Variants in CD101 observed in about 807,000 individuals in gnomAD.
CD101 encodes the protein CD101 molecule.
CD101 carries 76 observed loss-of-function variants against 98.2 expected under a neutral mutation model. The ratio of observed to expected loss-of-function variants is 0.77; its 90% CI spans 0.64 to 0.94. The LOEUF is 0.94. CD101 is among the 40% of genes least tolerant of loss of function. The pLI is 0.00. For synonymous variants in CD101, 471 were observed against 472.7 expected (o/e 1.00, Z 0.05); for missense variants, 1,145 against 1,218.8 (o/e 0.94, Z 0.90).
At chr1:117,017,804 A>C (rs1322951962) in intron 5 of CD101, among the ~76,000 whole-genome samples, 1 of 152,190 alleles carries the variant, frequency 6.6e-6, no homozygotes, top group Non-Finnish European at 1.5e-5. Context: ...AAGCATGTGC[A>C]AAAGGGTTCT....
rs370058669 is a variant in CD101 at position 117,019,562 on chromosome 1, G to T, written c.2017+1002G>T. On this transcript the variant is annotated intron_variant, in intron 6 of 9. Coordinates refer to ENST00000682167, the MANE Select transcript of CD101 (RefSeq NM_001256106.3). This position sits in a 1 kb window ranked among gnomAD's most constrained non-coding sequence, Gnocchi z 4.3. The stretch of plus-strand genomic sequence containing the variant: ...CTCCTCCACTGATTTATTCTTTAAA[G>T]AAAACAGTTTCTCTGGATTCTATTC... 7.2e-5 allele frequency among the ~76,000 whole-genome samples: 11 copies of T among 152,212 alleles called. 1 individual carries two copies. The East Asian group carries it at 1.2e-3, about 16-fold the overall frequency.
Position 117,034,048 on chromosome 1 carries a change from G to A in CD101, c.3013G>A (p.Gly1005Arg), listed in dbSNP as rs1171538768. 1.9e-6 allele frequency: 3 copies of A among 1,614,182 alleles called. No individual in the cohort carries two copies. The highest frequency in any genetic ancestry group is 3.3e-5 in the Admixed American group (2 of 60,020). ...KALWVDLKEA[G>R]GVTTNRREDE... ...TCTCTGGGTGGACTTGAAAGAGGCT[G>A]GAGGTGTGACCACAAATAGGAGGGA... Residue 1005 changes from glycine to arginine, a missense_variant, in exon 9 of 10, where the codon GGA (glycine) becomes AGA (arginine). Physicochemically the swap from Gly to Arg is moderately radical, Grantham distance 125 (BLOSUM62 -2). Transcript: ENST00000682167.
rs1652470705 is a variant in CD101, at chr1:117,005,388, C to T, written c.43+3528C>T. On this transcript the variant is annotated intron_variant, in intron 1 of 9. Coordinates refer to ENST00000682167, the MANE Select transcript of CD101 (RefSeq NM_001256106.3). This position sits in a 1 kb window ranked among gnomAD's most constrained non-coding sequence, Gnocchi z 4.4. ...TCACTTCTTACCCTGAAAACTGCTG[C>T]TTCCACTCTATTGAAATCCCTTTTA... is the stretch of plus-strand genomic sequence containing the variant. 6.6e-6 allele frequency among the ~76,000 whole-genome samples: 1 copy of T among 152,178 alleles called. No homozygotes were observed. The highest frequency in any genetic ancestry group is 2.4e-5 in the African/African-American group (1 of 41,434).
At position 117,004,313 on chromosome 1, in the gene CD101, G is replaced by T. The variant is rs1042800813; in HGVS notation, c.43+2453G>T. ...GCTTGTTATGTTGGCTATTCCTGAG[G>T]TAGGTTTTGTATAAGGTAGCATTAT... On this transcript the variant is annotated intron_variant, in intron 1 of 9. Coordinates refer to ENST00000682167, the MANE Select transcript of CD101 (RefSeq NM_001256106.3). The surrounding 1 kb of genome is among the most constrained non-coding windows in gnomAD (Gnocchi z 4.1). Among the ~76,000 whole-genome samples the T allele has an allele frequency of 6.6e-6, 1 of 152,174 alleles. No homozygotes were observed. Among genetic ancestry groups the T allele is most frequent in the African/African-American group, 2.4e-5 (1 of 41,434 alleles).
chr1:117,012,852 T>C lies in CD101; in HGVS notation c.842-554T>C, dbSNP rs10923198. On this transcript the variant is annotated intron_variant, in intron 3 of 9. Coordinates refer to ENST00000682167, the MANE Select transcript of CD101 (RefSeq NM_001256106.3). This position sits in a 1 kb window ranked among gnomAD's most constrained non-coding sequence, Gnocchi z 4.0. ...GTATATGCATTGCTAAAAGCAATGA[T>C]CCAATAGTGGATCATTAAAGTTTTT... 0.09 allele frequency among the ~76,000 whole-genome samples: 13,729 copies of C among 152,222 alleles called. 768 individuals carry two copies. The highest frequency in any genetic ancestry group is 0.15 in the African/African-American group (6,344 of 41,534).
At position 117,006,715 on chromosome 1, in the gene CD101, C is replaced by G. The variant is rs138378211; in HGVS notation, c.44-3135C>G. 3.2e-3 allele frequency among the ~76,000 whole-genome samples: 491 copies of G among 152,050 alleles called. 4 individuals are homozygous for G. Among genetic ancestry groups the G allele is most frequent in the Non-Finnish European group, 5.1e-3 (350 of 67,998 alleles). On this transcript the variant is annotated intron_variant, in intron 1 of 9. Transcript: ENST00000682167. The surrounding 1 kb of genome is among the most constrained non-coding windows in gnomAD (Gnocchi z 4.4). ...CCATCTCCATAAACCTATTTCCCTC[C>G]CCTCAAAATGTAGTCCCTCTTCAAA...
chr1:117,007,217 T>C (rs1471202285), intron 1 of CD101, among the ~76,000 whole-genome samples: 1 of 152,142 alleles, frequency 6.6e-6, no homozygotes, highest in Non-Finnish European at 1.5e-5. Flanking sequence ...AAGTAAAATC[T>C]GTATAATGTC....
At chr1:117,035,213 C>T (rs1654733736) in intron 9 of CD101, among the ~76,000 whole-genome samples, 1 of 151,262 alleles carries the variant, frequency 6.6e-6, no homozygotes, top group East Asian at 2.0e-4. Flanking sequence ...TCAATCAGTG[C>T]CACCTAAAGA....
In CD101 at chr1:117,013,459, C is replaced by T. The variant is rs1257390565; in HGVS notation, c.895C>T (p.Pro299Ser). 2 of 1,614,032 alleles carry T rather than the reference C, an allele frequency of 1.2e-6. No homozygotes were observed. The highest frequency in any genetic ancestry group is 1.6e-4 in the Middle Eastern group (1 of 6,062). ...TADSLFAEGKPLELVCLVVSS... is the reference protein window; with the variant it reads ...TADSLFAEGKSLELVCLVVSS... ...TGACAGCTTGTTTGCTGAAGGGAAACCCTTAGAACTGGTTTGCCTGGTTGT... is the reference window on the plus strand; with the variant it reads ...TGACAGCTTGTTTGCTGAAGGGAAATCCTTAGAACTGGTTTGCCTGGTTGT... Residue 299 changes from proline (P) to serine (S), a missense_variant, in exon 4 of 10, where the codon CCC (proline) becomes TCC (serine). Transcript: ENST00000682167.
chr1:117,019,545 C>G lies in CD101; in HGVS notation c.2017+985C>G, dbSNP rs1437471383. 6.6e-6 allele frequency among the ~76,000 whole-genome samples: 1 copy of G among 152,152 alleles called. No individual in the cohort carries two copies. Among genetic ancestry groups the G allele is most frequent in the Admixed American group, 6.6e-5 (1 of 15,266 alleles). On this transcript the variant is annotated intron_variant, in intron 6 of 9. Transcript: ENST00000682167. The surrounding 1 kb of genome is among the most constrained non-coding windows in gnomAD (Gnocchi z 4.3). ...CACAAGATTTTCATTTTCTCCTCCACTGATTTATTCTTTAAAGAAAACAGT... is the reference window on the plus strand; with the variant it reads ...CACAAGATTTTCATTTTCTCCTCCAGTGATTTATTCTTTAAAGAAAACAGT...
chr1:117,029,245 GAAA>G (rs1557779269), intron 8 of CD101, among the ~76,000 whole-genome samples: 4 of 143,202 alleles, frequency 2.8e-5, no homozygotes, highest in African/African-American at 1.1e-4. Flanking sequence ...AAGAAAGAAA[GAAA>G]GAAAGAAAGA....
chr1:117,017,092 A>G lies in CD101; in HGVS notation c.1231A>G (p.Arg411Gly). Residue 411 changes from arginine (R) to glycine (G), a missense_variant and splice_region_variant, in exon 5 of 10, where the codon AGA becomes GGA. Arg to Gly is a moderately radical substitution (Grantham distance 125). Coordinates refer to ENST00000682167, the MANE Select transcript of CD101 (RefSeq NM_001256106.3). Reference sequence around the variant, plus strand: ...CTTCTATAATCTGTAACTCACAGCAAGAAGTGTGGTCATGTCTACCAAGAA... The same window carrying G: ...CTTCTATAATCTGTAACTCACAGCAGGAAGTGTGGTCATGTCTACCAAGAA... Reference protein sequence around the residue: ...SHVHLRKPAARSVVMSTKNKQ... With the variant: ...SHVHLRKPAAGSVVMSTKNKQ... 6.2e-7 allele frequency: 1 copy of G among 1,612,474 alleles called. No individual in the cohort carries two copies. The highest frequency in any genetic ancestry group is 2.2e-5 in the East Asian group (1 of 44,856).
In CD101 at chr1:117,018,638, A is replaced by G. The variant is rs375125764; in HGVS notation, c.2017+78A>G. 60 of 1,318,138 alleles carry G rather than the reference A, an allele frequency of 4.6e-5. No homozygotes were observed. The East Asian group carries it at 7.3e-4, about 16-fold the overall frequency. 81.7% of individuals were successfully genotyped at this position (1,318,138 alleles called of 1,614,324 possible). A position where few individuals can be genotyped will look rare whatever the true frequency, so the allele number is the denominator to read the frequency against. On this transcript the variant is annotated intron_variant, in intron 6 of 9. Coordinates refer to ENST00000682167, the MANE Select transcript of CD101 (RefSeq NM_001256106.3). The surrounding 1 kb of genome is among the most constrained non-coding windows in gnomAD (Gnocchi z 4.3). ...CTCCCATTTTGGGTAAGTTATAACA[A>G]TAAAACATAAAATACTTTCTCCCAT...
chr1:117,018,167 C>T lies in CD101; in HGVS notation c.1624C>T (p.Gln542Ter). 6.3e-7 allele frequency: 1 copy of T among 1,588,264 alleles called. No individual in the cohort carries two copies. The highest frequency in any genetic ancestry group is 8.6e-7 in the Non-Finnish European group (1 of 1,165,074). Reference protein sequence around the residue: ...VTVKSLESSLQVSLMSRQPQV... With the variant: ...VTVKSLESSL Reference sequence around the variant, plus strand: ...ATTTTTCTGTCTAGAGTCAAGTTTACAAGTTAGTCTGATGAGCCGTCAGCC... The same window carrying T: ...ATTTTTCTGTCTAGAGTCAAGTTTATAAGTTAGTCTGATGAGCCGTCAGCC... Residue 542 changes from glutamine (Q) to a stop codon, truncating the protein, a stop_gained, in exon 6 of 10, where the codon CAA (glutamine) becomes TAA (stop). Coordinates refer to ENST00000682167, the MANE Select transcript of CD101 (RefSeq NM_001256106.3). LOFTEE classifies it high-confidence loss of function. The surrounding 1 kb of genome is among the most constrained non-coding windows in gnomAD (Gnocchi z 4.3).
At chr1:117,013,196 C>T (rs963597748) in intron 3 of CD101, among the ~76,000 whole-genome samples, 2 of 152,168 alleles carry the variant, frequency 1.3e-5, no homozygotes, top group African/African-American at 4.8e-5. Context: ...ACCATGTGTA[C>T]TGTCCTTTCT....
chr1:117,024,512 A>C (rs1422824598), intron 7 of CD101, among the ~76,000 whole-genome samples: 1 of 151,966 alleles, frequency 6.6e-6, no homozygotes, highest in Admixed American at 6.6e-5. Context: ...TAAATAAATA[A>C]ATAAATAAAT....
intron 1 of CD101, among the ~76,000 whole-genome samples, chr1:117,002,382 T>C (rs1387978109): frequency 6.6e-6 from 1 of 152,178 alleles, no homozygotes; most frequent in Non-Finnish European, 1.5e-5. Context: ...GACTGAGAAA[T>C]GAACAGGAAG....
At chr1:117,025,191 C>T (rs1280953772) in intron 7 of CD101, among the ~76,000 whole-genome samples, 4 of 151,884 alleles carry the variant, frequency 2.6e-5, no homozygotes, top group East Asian at 1.9e-4. Context: ...GGTGAAACCC[C>T]GTCTCTACTA....
intron 8 of CD101, among the ~76,000 whole-genome samples, chr1:117,031,732 A>T (rs1654479220): frequency 6.6e-6 from 1 of 152,214 alleles, no homozygotes; most frequent in South Asian, 2.1e-4. Flanking sequence ...ACATTATCTC[A>T]TCACAACTCT....
Sources: allele counts gnomAD v4.1 joint callset (sites outside exome capture counted in the v4.1 genomes callset), GRCh38; gene constraint gnomAD v4.1.1; non-coding constraint Gnocchi (gnomAD v3.1); transcripts MANE v1.5; gene names NCBI Gene and HGNC (gene_info 2026-07-23, HGNC 2026-07-21).